The following GTF2I variants were observed in gnomAD, a reference collection of about 807,000 sequenced individuals.
GTF2I encodes general transcription factor IIi, also known as general transcription factor II-I.
A neutral mutation model predicts 67.6 loss-of-function variants in GTF2I; 12 were observed. That is an observed-to-expected ratio of 0.18 (90% confidence interval 0.11 to 0.29). The LOEUF (loss-of-function observed/expected upper bound fraction) is 0.29. GTF2I is among the 10% of genes least tolerant of loss of function. The pLI is 1.00. For synonymous variants in GTF2I, 149 were observed against 197.0 expected, an observed-to-expected ratio of 0.76 and a Z score of 2.04; for missense variants, 271 against 580.1, an observed-to-expected ratio of 0.47 and a Z score of 5.47.
chr7:74,702,868 G>A (rs1199649153), intron 6 of GTF2I, among the ~76,000 whole-genome samples: 3 of 151,826 alleles, frequency 2.0e-5, no homozygotes, highest in African/African-American at 7.3e-5. Flanking sequence ...CAGTAGCTAG[G>A]ACTACAGGCG....
At chr7:74,664,028 C>T (rs1363243976) in intron 1 of GTF2I, among the ~76,000 whole-genome samples, 5 of 152,076 alleles carry the variant, frequency 3.3e-5, no homozygotes, top group Admixed American at 6.6e-5. Flanking sequence ...GGGGTTTCAC[C>T]GTGTTGGCCA....
In GTF2I at chr7:74,664,993, G is replaced by T. The variant is rs184619790; in HGVS notation, c.-6+6925G>T. On this transcript the variant is annotated intron_variant, in intron 1 of 34. Coordinates refer to ENST00000573035, the MANE Select transcript of GTF2I (RefSeq NM_032999.4). ...TTTTGCTCTTGTTGCCCAGGCTGGA[G>T]TGTAGTGGCGCGCCTGGCTCACCGC... Among the ~76,000 whole-genome samples, 22 of 151,064 alleles carry T rather than the reference G, an allele frequency of 1.5e-4. No homozygotes were observed. The East Asian group carries it at 3.3e-3, about 23-fold the overall frequency.
intron 1 of GTF2I, among the ~76,000 whole-genome samples, chr7:74,660,513 A>G (rs944002735): frequency 2.6e-5 from 4 of 151,784 alleles, no homozygotes; most frequent in South Asian, 2.1e-4. Flanking sequence ...CTTATATTGC[A>G]TAGTCAGAGT....
chr7:74,703,163 C>G (rs1425558645), intron 6 of GTF2I, among the ~76,000 whole-genome samples: 2 of 151,724 alleles, frequency 1.3e-5, no homozygotes, highest in African/African-American at 2.4e-5. Context: ...ATATAAGTCT[C>G]TAATTGATGA....
rs587689107 is a variant in GTF2I at position 74,677,007 on chromosome 7, C to T, written c.-5-12117C>T. On this transcript the variant is annotated intron_variant, in intron 1 of 34. Coordinates refer to ENST00000573035, the MANE Select transcript of GTF2I (RefSeq NM_032999.4). ...CCAAGAGGTGGAGGTTGCAGTGAGC[C>T]GAGATTACGCCCCTGCACTCCAGCC... 8.0e-5 allele frequency among the ~76,000 whole-genome samples: 12 copies of T among 150,760 alleles called. 1 individual carries two copies. Among genetic ancestry groups the T allele is most frequent in the South Asian group, 4.2e-4 (2 of 4,810 alleles).
Position 74,691,083 on chromosome 7 carries a change from G to C in GTF2I, c.210G>C (p.Lys70Asn). The change falls in exon 3 of 35, where the codon AAG (lysine) becomes AAC (asparagine). Residue 70 changes from lysine (K) to asparagine (N), a missense_variant. By Grantham distance (94) the Lys-to-Asn change is moderately conservative. This residue lies in a region of GTF2I where 72 missense variants were observed against 87.4 expected (regional missense o/e 0.82). Coordinates refer to ENST00000573035, the MANE Select transcript of GTF2I (RefSeq NM_032999.4). ...ERGRAFVNTRKDFQKDFVKYC... is the reference protein window; with the variant it reads ...ERGRAFVNTRNDFQKDFVKYC... Reference sequence around the variant, plus strand: ...GACGTGCTTTTGTCAATACCAGAAAGGATTTTCAAAAAGATTTTGTAAAAT... The same window carrying C: ...GACGTGCTTTTGTCAATACCAGAAACGATTTTCAAAAAGATTTTGTAAAAT... 6.2e-7 allele frequency: 1 copy of C among 1,608,638 alleles called. No homozygotes were observed. Among genetic ancestry groups the C allele is most frequent in the Non-Finnish European group, 8.5e-7 (1 of 1,176,782 alleles).
At chr7:74,687,553 C>A (rs782639476) in intron 1 of GTF2I, 26 of 984,742 alleles carry the variant, frequency 2.6e-5, no homozygotes, top group African/African-American at 3.5e-5. Flanking sequence ...AGCGCAACTT[C>A]CTAAGTATGT....
At chr7:74,690,469 A>T (rs902739823) in intron 2 of GTF2I, among the ~76,000 whole-genome samples, 4 of 152,200 alleles carry the variant, frequency 2.6e-5, no homozygotes, top group African/African-American at 9.6e-5. Context: ...GTGTGTACAC[A>T]GGGGAATACT....
At chr7:74,670,923 A>G (rs1378487824) in intron 1 of GTF2I, among the ~76,000 whole-genome samples, 1 of 152,066 alleles carries the variant, frequency 6.6e-6, no homozygotes, top group Non-Finnish European at 1.5e-5. Context: ...ATTAATACAT[A>G]TGCAAAAATG....
At chr7:74,714,712 TGTCA>T (rs1792034070) in intron 9 of GTF2I, 141 bp from the exon 10 acceptor site, 1 of 541,712 alleles carries the variant, frequency 1.8e-6, no homozygotes, top group Admixed American at 3.5e-5. Context: ...TTGCTCATCT[TGTCA>T]GTCTTTTTTT....
chr7:74,671,742 A>G (rs1248982883), intron 1 of GTF2I, among the ~76,000 whole-genome samples: 2 of 152,016 alleles, frequency 1.3e-5, no homozygotes, highest in Non-Finnish European at 2.9e-5. Context: ...AGTACTTTGA[A>G]AGGCCACGGT....
At chr7:74,671,487 TC>T (rs1212306455) in intron 1 of GTF2I, among the ~76,000 whole-genome samples, 2 of 152,008 alleles carry the variant, frequency 1.3e-5, no homozygotes, top group Non-Finnish European at 2.9e-5. Flanking sequence ...TTTTTTTTTT[TC>T]TTTAATGGGG....
chr7:74,685,853 A>G (rs1375529350), intron 1 of GTF2I, among the ~76,000 whole-genome samples: 1 of 151,182 alleles, frequency 6.6e-6, no homozygotes, highest in East Asian at 2.0e-4. Context: ...GGAGATCGAT[A>G]CCATCCTGGC....
rs138984193 is a variant in GTF2I at position 74,710,254 on chromosome 7, G to A, written c.686-778G>A. Among the ~76,000 whole-genome samples, 241 of 152,300 alleles carry A rather than the reference G, an allele frequency of 1.6e-3. 3 individuals carry two copies. In the South Asian group the frequency reaches 0.021, roughly 13 times the overall value. On this transcript the variant is annotated intron_variant, in intron 8 of 34. Transcript: ENST00000573035. Reference sequence around the variant, plus strand: ...CAAGTCAGAGCTCACGATTTCGTTTGTGTTAGGGTTGGTATGACTGTGGTT... The same window carrying A: ...CAAGTCAGAGCTCACGATTTCGTTTATGTTAGGGTTGGTATGACTGTGGTT...
chr7:74,717,558 C>T (rs915811103), intron 11 of GTF2I, among the ~76,000 whole-genome samples: 2 of 152,052 alleles, frequency 1.3e-5, no homozygotes, highest in East Asian at 1.9e-4. Context: ...GGTGTTTAAA[C>T]GGTTCCACAC....
intron 12 of GTF2I, among the ~76,000 whole-genome samples, chr7:74,726,151 A>G (rs1044492342): frequency 3.3e-5 from 5 of 152,204 alleles, no homozygotes; most frequent in African/African-American, 7.2e-5. Flanking sequence ...ATGATGATCT[A>G]TAAGGATACT....
At chr7:74,714,509 T>C (rs1244720019) in intron 9 of GTF2I, among the ~76,000 whole-genome samples, 1 of 152,152 alleles carries the variant, frequency 6.6e-6, no homozygotes, top group Non-Finnish European at 1.5e-5. Context: ...CCTGCATTTG[T>C]AATCTGTATG....
Position 74,756,877 on chromosome 7 carries a change from G to A in GTF2I, c.2896+16G>A. 8.9e-6 allele frequency: 2 copies of A among 225,642 alleles called. 1 individual carries two copies. The highest frequency in any genetic ancestry group is 3.0e-4 in the African/African-American group (2 of 6,722). 14.0% of individuals were successfully genotyped at this position (225,642 alleles called of 1,614,324 possible). ...GTGATACAAGGTGAGCGAGGCAGGGGAGGGCCCGGAGCTACTCCTGCCTGC... is the reference window on the plus strand; with the variant it reads ...GTGATACAAGGTGAGCGAGGCAGGGAAGGGCCCGGAGCTACTCCTGCCTGC... On this transcript the variant is annotated intron_variant, in intron 32 of 34. Transcript: ENST00000573035.
chr7:74,703,188 A>T lies in GTF2I; in HGVS notation c.587-1976A>T, dbSNP rs587686705. Among the ~76,000 whole-genome samples the T allele has an allele frequency of 7.0e-3, 1,052 of 149,700 alleles. 4 individuals carry two copies. Among genetic ancestry groups the T allele is most frequent in the African/African-American group, 0.02 (815 of 40,766 alleles). ...CTAATTGATGATTTGTTAAAAAAAA[A>T]TTTTTTTTTTCTTTTTGCAATGGTG... On this transcript the variant is annotated intron_variant, in intron 6 of 34. Coordinates refer to ENST00000573035, the MANE Select transcript of GTF2I (RefSeq NM_032999.4).
Sources: allele counts gnomAD v4.1 joint callset (sites outside exome capture counted in the v4.1 genomes callset), GRCh38; gene constraint gnomAD v4.1.1; regional missense constraint gnomAD v4.1.1; transcripts MANE v1.5; gene names NCBI Gene and HGNC (gene_info 2026-07-23, HGNC 2026-07-21).